MITF: variants seen among roughly 807,000 people sequenced by gnomAD.
MITF encodes the protein microphthalmia-associated transcription factor.
A neutral mutation model predicts 60.5 loss-of-function variants in MITF; 17 were observed. The ratio of observed to expected loss-of-function variants is 0.28; its 90% CI spans 0.19 to 0.42. The LOEUF (loss-of-function observed/expected upper bound fraction) is 0.42. Ranked by LOEUF, MITF falls within the 10% of genes least tolerant of loss-of-function variation. The pLI, the probability that MITF is intolerant of heterozygous loss-of-function variation, is 1.00. For missense variants in MITF, 622 were observed against 683.5 expected, an observed-to-expected ratio of 0.91 and a Z score of 1.00; for synonymous variants, 260 against 248.5, an observed-to-expected ratio of 1.05 and a Z score of -0.43.
chr3:69,800,493 G>A (rs546307050), intron 1 of MITF, among the ~76,000 whole-genome samples: 191 of 152,206 alleles, frequency 1.3e-3, no homozygotes, highest in African/African-American at 4.4e-3. Flanking sequence ...ACATACCATA[G>A]ATCATCACAT....
chr3:69,859,582 C>A (rs1454794209), intron 1 of MITF, among the ~76,000 whole-genome samples: 5 of 151,884 alleles, frequency 3.3e-5, no homozygotes, highest in Non-Finnish European at 7.4e-5. Flanking sequence ...CCAAGGTGGT[C>A]CATGGAGGCC....
intron 1 of MITF, among the ~76,000 whole-genome samples, chr3:69,740,078 T>G (rs1575649878): frequency 6.6e-6 from 1 of 151,178 alleles, no homozygotes; most frequent in African/African-American, 2.4e-5. Context: ...GGAGAAAGAG[T>G]TCTAGTGAAC....
At chr3:69,859,791 C>T (rs1288655418) in intron 1 of MITF, among the ~76,000 whole-genome samples, 1 of 152,070 alleles carries the variant, frequency 6.6e-6, no homozygotes, top group Non-Finnish European at 1.5e-5. Flanking sequence ...AAAAAAGTTA[C>T]TAACAGTAAA....
chr3:69,823,051 G>A (rs534382014), intron 1 of MITF, among the ~76,000 whole-genome samples: 1 of 151,892 alleles, frequency 6.6e-6, no homozygotes, highest in Non-Finnish European at 1.5e-5. Flanking sequence ...GCTAATTTTG[G>A]TATTTTTAGT....
At chr3:69,828,723 C>A (rs4582066) in intron 1 of MITF, among the ~76,000 whole-genome samples, 76,140 of 151,890 alleles carry the variant, frequency 0.5, 20,772 homozygotes, top group Non-Finnish European at 0.63. Flanking sequence ...ATCTGACCCT[C>A]ATTTCTGTGT....
chr3:69,797,250 AGTTT>A (rs1233020814), intron 1 of MITF, among the ~76,000 whole-genome samples: 2 of 152,022 alleles, frequency 1.3e-5, no homozygotes, highest in African/African-American at 4.8e-5. Context: ...GTGCTCAAGG[AGTTT>A]GTTTGAGTTT....
intron 2 of MITF, among the ~76,000 whole-genome samples, chr3:69,886,012 G>T (rs115298555): frequency 7.2e-5 from 11 of 152,092 alleles, no homozygotes; most frequent in African/African-American, 1.4e-4. Flanking sequence ...TCACAGAGGG[G>T]TCAACTAGGT....
In MITF at chr3:69,835,590, A is replaced by C. The variant is rs1460853787; in HGVS notation, c.105-43544A>C. On this transcript the variant is annotated intron_variant, in intron 1 of 9. Transcript: ENST00000352241. ...AAGCATTTTGCCTGTGTTTTCTTCT[A>C]GTAGAGTCATAGCTTTAGGCTTTAC... Among the ~76,000 whole-genome samples, 15 of 152,272 alleles carry C rather than the reference A, an allele frequency of 9.9e-5. No individual in the cohort carries two copies. The South Asian group carries it at 2.9e-3, about 29-fold the overall frequency.
At chr3:69,802,683 CTTTTT>C (rs34396439) in intron 1 of MITF, among the ~76,000 whole-genome samples, 1 of 66,212 alleles carries the variant, frequency 1.5e-5, no homozygotes, top group African/African-American at 6.6e-5. Context: ...AGTCCATATT[CTTTTT>C]TTTTTTTTTT....
At chr3:69,834,624 G>T (rs1158653426) in intron 1 of MITF, among the ~76,000 whole-genome samples, 2 of 152,084 alleles carry the variant, frequency 1.3e-5, no homozygotes, top group African/African-American at 4.8e-5. Context: ...AAATAGTGCT[G>T]CAATAAACAT....
At chr3:69,844,071 A>T (rs560178668) in intron 1 of MITF, among the ~76,000 whole-genome samples, 3 of 152,252 alleles carry the variant, frequency 2.0e-5, no homozygotes, top group East Asian at 1.9e-4. Flanking sequence ...AAGGAAAACA[A>T]CTCATCCTGT....
At position 69,792,292 on chromosome 3, in the gene MITF, C is replaced by T. The variant is rs575339981; in HGVS notation, c.104+52591C>T. On this transcript the variant is annotated intron_variant, in intron 1 of 9. Coordinates refer to ENST00000352241, the MANE Select transcript of MITF (RefSeq NM_001354604.2). Reference sequence around the variant, plus strand: ...TCAATTTTATTTCACTGCTTTTATCCATTAAATTGGTCAACAGCAGCACTC... The same window carrying T: ...TCAATTTTATTTCACTGCTTTTATCTATTAAATTGGTCAACAGCAGCACTC... 2.1e-3 allele frequency among the ~76,000 whole-genome samples: 320 copies of T among 152,230 alleles called. 1 individual carries two copies. Among genetic ancestry groups the T allele is most frequent in the African/African-American group, 7.3e-3 (304 of 41,526 alleles).
chr3:69,965,250 G>A lies in MITF; in HGVS notation c.*2G>A, dbSNP rs747391486. On this transcript the variant is annotated 3_prime_UTR_variant, in exon 10 of 10. Coordinates refer to ENST00000352241, the MANE Select transcript of MITF (RefSeq NM_001354604.2). ...GAAGAGACGGAGCACACTTGTTAGC[G>A]AATCCTCCCTGCACTGCATTCGCAC... The A allele has an allele frequency of 5.6e-6, 9 of 1,613,482 alleles. No individual in the cohort carries two copies. Among genetic ancestry groups the A allele is most frequent in the East Asian group, 2.2e-5 (1 of 44,868 alleles).
chr3:69,897,491 A>G (rs773479612), intron 2 of MITF, among the ~76,000 whole-genome samples: 4 of 152,178 alleles, frequency 2.6e-5, no homozygotes, highest in African/African-American at 4.8e-5. Context: ...CATGGGCCAA[A>G]TCCTGCTACC....
At chr3:69,921,954 C>G (rs2065477285) in intron 2 of MITF, among the ~76,000 whole-genome samples, 1 of 152,198 alleles carries the variant, frequency 6.6e-6, no homozygotes, top group Non-Finnish European at 1.5e-5. Context: ...AGCACCCCCT[C>G]CTCACATAGT....
At chr3:69,879,781 T>C (rs1465547729) in intron 2 of MITF, among the ~76,000 whole-genome samples, 2 of 152,204 alleles carry the variant, frequency 1.3e-5, no homozygotes, top group Non-Finnish European at 2.9e-5. Flanking sequence ...ATTTAGTATG[T>C]AATATTGGTT....
At chr3:69,950,448 TTA>T (rs10604038) in intron 6 of MITF, among the ~76,000 whole-genome samples, 74,575 of 130,524 alleles carry the variant, frequency 0.57, 21,004 homozygotes, top group East Asian at 0.83. Context: ...AACTTCTGAG[TTA>T]TATATATATA....
intron 1 of MITF, among the ~76,000 whole-genome samples, chr3:69,745,805 T>G (rs757624242): frequency 9.2e-5 from 14 of 152,218 alleles, no homozygotes; most frequent in Non-Finnish European, 1.9e-4. Flanking sequence ...TCTTGGAGTC[T>G]CAATTTCTCT....
At chr3:69,943,316 A>G (rs975022909) in intron 5 of MITF, among the ~76,000 whole-genome samples, 1 of 152,022 alleles carries the variant, frequency 6.6e-6, no homozygotes, top group Non-Finnish European at 1.5e-5. Flanking sequence ...GCAAAGCACA[A>G]TGGTTAGAAT....
Sources: gnomAD v4.1 joint callset for allele counts (sites outside exome capture counted in the v4.1 genomes callset) on GRCh38, gnomAD v4.1.1 for gene constraint, MANE v1.5 for transcripts, NCBI Gene and HGNC (gene_info 2026-07-23, HGNC 2026-07-21) for gene names.